Variants in TMEM132D observed in about 807,000 individuals in gnomAD.
TMEM132D encodes transmembrane protein 132D, also known as mature OL transmembrane protein.
In TMEM132D, 21 loss-of-function variants were observed where a neutral mutation model predicts 62.3. The ratio of observed to expected loss-of-function variants is 0.34; its 90% confidence interval spans 0.24 to 0.49. TMEM132D has a LOEUF of 0.49. Among genes scored for constraint, TMEM132D ranks in the 20% least tolerant of loss-of-function variants. The probability of loss-of-function intolerance (pLI) is 0.99; values close to 1 mark genes in which losing one functional copy is unlikely to be tolerated. For synonymous variants in TMEM132D, 621 were observed against 575.6 expected (o/e 1.08, Z -1.13); for missense variants, 1,346 against 1,402.8 (o/e 0.96, Z 0.65).
chr12:129,247,777 A>G lies in TMEM132D; in HGVS notation c.1300-38114T>C, dbSNP rs148100519. On this transcript the variant is annotated intron_variant, in intron 4 of 8. Transcript: ENST00000422113. ...AGGTGAGGAGGTGGCTGGCAAGGAAATAGAAAACGATATGCCCCATAGCTT... is the reference window on the plus strand; with the variant it reads ...AGGTGAGGAGGTGGCTGGCAAGGAAGTAGAAAACGATATGCCCCATAGCTT... Among the ~76,000 whole-genome samples the G allele has an allele frequency of 4.5e-4, 69 of 152,316 alleles. 1 individual carries two copies. The Middle Eastern group carries it at 0.02, about 45-fold the overall frequency.
At chr12:129,757,716 C>A (rs1181279933) in intron 1 of TMEM132D, among the ~76,000 whole-genome samples, 5 of 152,120 alleles carry the variant, frequency 3.3e-5, no homozygotes, top group Non-Finnish European at 7.4e-5. Context: ...TAAAACTACT[C>A]GATACAGCCA....
intron 1 of TMEM132D, among the ~76,000 whole-genome samples, chr12:129,774,027 G>T (rs911694259): frequency 2.0e-5 from 3 of 152,154 alleles, no homozygotes; most frequent in Non-Finnish European, 4.4e-5. Flanking sequence ...ATTCTAAGAT[G>T]GTGGTTGTGG....
intron 4 of TMEM132D, among the ~76,000 whole-genome samples, chr12:129,285,539 A>AAGAGAGAGAG (rs796604631): frequency 1.1e-5 from 1 of 90,030 alleles, no homozygotes; most frequent in African/African-American, 3.9e-5. Flanking sequence ...AAAAAAAAAA[A>AAGAGAGAGAG]AGAGAGAGAG....
chr12:129,136,334 C>T (rs551193603), intron 5 of TMEM132D, among the ~76,000 whole-genome samples: 13 of 152,250 alleles, frequency 8.5e-5, no homozygotes, highest in East Asian at 3.9e-4. Context: ...AGTGTCTTTA[C>T]GTGTCAGAGC....
At chr12:129,610,630 C>T (rs1401522845) in intron 2 of TMEM132D, among the ~76,000 whole-genome samples, 2 of 151,996 alleles carry the variant, frequency 1.3e-5, no homozygotes, top group South Asian at 2.1e-4. Context: ...GGAAGTAGCC[C>T]AGATTGCTTG....
rs568875474 is a variant in TMEM132D at position 129,510,032 on chromosome 12, T to G, written c.1115+21027A>C. ...TATGGTAGCTCTAGTTTTAGTTTTC[T>G]AATGAACCTCCAAACTATTCTGCAT... is the stretch of plus-strand genomic sequence containing the variant. On this transcript the variant is annotated intron_variant, in intron 3 of 8. Transcript: ENST00000422113. 3.9e-4 allele frequency among the ~76,000 whole-genome samples: 59 copies of G among 152,318 alleles called. No homozygotes were observed. The South Asian group carries it at 0.012, about 31-fold the overall frequency.
intron 1 of TMEM132D, among the ~76,000 whole-genome samples, chr12:129,780,561 G>A (rs927041640): frequency 2.6e-5 from 4 of 152,184 alleles, no homozygotes; most frequent in African/African-American, 7.2e-5. Context: ...AGACCCTGCT[G>A]CCATCTGGCT....
intron 1 of TMEM132D, among the ~76,000 whole-genome samples, chr12:129,823,361 T>A (rs916515731): frequency 6.6e-6 from 1 of 152,240 alleles, no homozygotes; most frequent in African/African-American, 2.4e-5. Flanking sequence ...ATGCTGAAAT[T>A]CCAGACTCCT....
Position 129,592,509 on chromosome 12 carries a change from C to G in TMEM132D, c.969-61304G>C, listed in dbSNP as rs561094024. 1.7e-4 allele frequency among the ~76,000 whole-genome samples: 26 copies of G among 152,302 alleles called. No individual in the cohort carries two copies. The East Asian group carries it at 4.0e-3, about 24-fold the overall frequency. The stretch of plus-strand genomic sequence containing the variant: ...TTTAGGAGACAGATATGTGTACACA[C>G]ATACAATATGATATGTGCATAAAAT... On this transcript the variant is annotated intron_variant, in intron 2 of 8. Transcript: ENST00000422113.
chr12:129,821,399 C>CAG lies in TMEM132D; in HGVS notation c.79+81860_79+81861dup, dbSNP rs1377966837. On this transcript the variant is annotated intron_variant, in intron 1 of 8. Coordinates refer to ENST00000422113, the MANE Select transcript of TMEM132D (RefSeq NM_133448.3). ...GCCTTCTGGGGGGTTTGAATTTTAA[C>CAG]AGGTGGCAAAGCTGTCAGATGGAAT... 3.7e-4 allele frequency among the ~76,000 whole-genome samples: 56 copies of CAG among 152,184 alleles called. 1 individual carries two copies. Among genetic ancestry groups the CAG allele is most frequent in the Admixed American group, 3.9e-4 (6 of 15,282 alleles).
chr12:129,635,420 G>A (rs113759399), intron 2 of TMEM132D, among the ~76,000 whole-genome samples: 32 of 152,346 alleles, frequency 2.1e-4, no homozygotes, highest in South Asian at 1.2e-3. Flanking sequence ...TGCTCACAGC[G>A]TTGTGCAGCA....
At chr12:129,547,234 C>T (rs111310431) in intron 2 of TMEM132D, among the ~76,000 whole-genome samples, 2 of 152,078 alleles carry the variant, frequency 1.3e-5, no homozygotes, top group African/African-American at 2.4e-5. Context: ...CTTCACGGGG[C>T]CTTCCTTTTT....
intron 3 of TMEM132D, among the ~76,000 whole-genome samples, chr12:129,493,493 A>G (rs1874860718): frequency 6.6e-6 from 1 of 152,254 alleles, no homozygotes; most frequent in South Asian, 2.1e-4. Flanking sequence ...AATCAGTACC[A>G]TAACCAGTTA....
At chr12:129,236,673 A>C (rs1879795563) in intron 4 of TMEM132D, among the ~76,000 whole-genome samples, 2 of 152,116 alleles carry the variant, frequency 1.3e-5, no homozygotes, top group South Asian at 4.1e-4. Flanking sequence ...TCATTTGCAG[A>C]GACAAGTTTA....
At chr12:129,204,033 A>G (rs1187605281) in intron 5 of TMEM132D, among the ~76,000 whole-genome samples, 2 of 152,220 alleles carry the variant, frequency 1.3e-5, no homozygotes, top group Non-Finnish European at 2.9e-5. Context: ...AAACCCATCC[A>G]AAGGACATCA....
rs79012765 is a variant in TMEM132D at position 129,822,760 on chromosome 12, A to C, written c.79+80501T>G. ...GGGAAGTCCCTTATAAAACCATCAG[A>C]TCTTGTGAGAACTCACCATGACGAG... is the stretch of plus-strand genomic sequence containing the variant. On this transcript the variant is annotated intron_variant, in intron 1 of 8. Coordinates refer to ENST00000422113, the MANE Select transcript of TMEM132D (RefSeq NM_133448.3). Among the ~76,000 whole-genome samples the C allele has an allele frequency of 4.1e-3, 625 of 152,268 alleles. 7 individuals carry two copies. Among genetic ancestry groups the C allele is most frequent in the African/African-American group, 0.014 (593 of 41,548 alleles).
At chr12:129,503,996 T>C (rs1875248127) in intron 3 of TMEM132D, among the ~76,000 whole-genome samples, 3 of 136,846 alleles carry the variant, frequency 2.2e-5, no homozygotes, top group African/African-American at 8.4e-5. Flanking sequence ...ATCATCATTA[T>C]TGTCATCATT....
intron 5 of TMEM132D, among the ~76,000 whole-genome samples, chr12:129,142,383 C>T (rs1332237472): frequency 6.6e-6 from 1 of 152,196 alleles, no homozygotes. Flanking sequence ...AATGCATGGA[C>T]AGTCACAGCA....
At chr12:129,586,385 A>C (rs921655223) in intron 2 of TMEM132D, among the ~76,000 whole-genome samples, 1 of 152,206 alleles carries the variant, frequency 6.6e-6, no homozygotes. Context: ...GGACAAATTC[A>C]GGGTGTTTTT....
Sources: gnomAD v4.1 joint callset for allele counts (sites outside exome capture counted in the v4.1 genomes callset) on GRCh38, gnomAD v4.1.1 for gene constraint, MANE v1.5 for transcripts, NCBI Gene and HGNC (gene_info 2026-07-23, HGNC 2026-07-21) for gene names.